The following SH3PXD2A variants were observed in gnomAD, a reference collection of about 807,000 sequenced individuals.
SH3PXD2A encodes SH3 and PX domain-containing protein 2A.
In SH3PXD2A, 32 loss-of-function variants were observed where a neutral mutation model predicts 115.2. The observed-to-expected ratio is 0.28, with a 90% CI of 0.21 to 0.37. The LOEUF (loss-of-function observed/expected upper bound fraction) is 0.37, where lower values mean the gene tolerates loss of function less well. Ranked by LOEUF, SH3PXD2A falls within the 10% of genes least tolerant of loss-of-function variation. The pLI, the probability that SH3PXD2A is intolerant of heterozygous loss-of-function variation, is 1.00. For missense variants in SH3PXD2A, 1,328 were observed against 1,498.7 expected (o/e 0.89, Z 1.88); for synonymous variants, 610 against 629.1 (o/e 0.97, Z 0.45).
intron 9 of SH3PXD2A, 116 bp from the exon 10 acceptor site, chr10:103,622,669 A>G: frequency 1.5e-6 from 1 of 676,166 alleles, no homozygotes; most frequent in Non-Finnish European, 2.6e-6. Context: ...GGAGGCCCAC[A>G]CTTCCAGTCA....
chr10:103,598,286 CTTTCCAGCTCT>C lies in SH3PXD2A; in HGVS notation c.*3519_*3529del, dbSNP rs1461632490. On this transcript the variant is annotated 3_prime_UTR_variant, in exon 15 of 15. Coordinates refer to ENST00000369774, the MANE Select transcript of SH3PXD2A (RefSeq NM_001394015.1). Reference sequence around the variant, plus strand: ...GCACACCTGCTGCTCAGGGTTGCCCCTTTCCAGCTCTCTCTCACTGCCCCCAAAGTCCCATG... The same window carrying C: ...GCACACCTGCTGCTCAGGGTTGCCCCCTCTCACTGCCCCCAAAGTCCCATG... The C allele has an allele frequency of 6.6e-6, 1 of 152,586 alleles. No homozygotes were observed. The highest frequency in any genetic ancestry group is 1.5e-5 in the Non-Finnish European group (1 of 68,066). The allele number at this position is 152,586 out of a possible 1,614,324, so 9.5% of individuals were successfully genotyped here. A position where few individuals can be genotyped will look rare whatever the true frequency, so the allele number is the denominator to read the frequency against.
At chr10:103,833,077 C>G (rs1381444748) in intron 1 of SH3PXD2A, among the ~76,000 whole-genome samples, 1 of 152,174 alleles carries the variant, frequency 6.6e-6, no homozygotes, top group East Asian at 1.9e-4. Flanking sequence ...TACTTTCTAA[C>G]AGAGAATCAC....
rs1294684390 is a variant in SH3PXD2A at position 103,666,932 on chromosome 10, C to T, written c.472+1676G>A. Among the ~76,000 whole-genome samples, 2 of 152,120 alleles carry T rather than the reference C, an allele frequency of 1.3e-5. No individual in the cohort carries two copies. Among genetic ancestry groups the T allele is most frequent in the Non-Finnish European group, 2.9e-5 (2 of 68,006 alleles). The stretch of plus-strand genomic sequence containing the variant: ...GCTGTGTCCCTGCAACATGCCCCTC[C>T]CAGACCCTACCTTCAGCAGGTAACG... On this transcript the variant is annotated intron_variant, in intron 7 of 14. Transcript: ENST00000369774. This position sits in a 1 kb window ranked among gnomAD's most constrained non-coding sequence, Gnocchi z 4.5.
chr10:103,743,580 A>G (rs1390574997), intron 3 of SH3PXD2A, among the ~76,000 whole-genome samples: 22 of 152,232 alleles, frequency 1.4e-4, no homozygotes, highest in Non-Finnish European at 3.2e-4. Flanking sequence ...TATGTTGCCT[A>G]GGCTGGTCCC....
chr10:103,648,395 A>G (rs1032261469), intron 8 of SH3PXD2A, among the ~76,000 whole-genome samples: 3 of 152,180 alleles, frequency 2.0e-5, no homozygotes, highest in Non-Finnish European at 2.9e-5. Flanking sequence ...ATTCTTCCCC[A>G]TCAAAGCCAA....
intron 4 of SH3PXD2A, among the ~76,000 whole-genome samples, chr10:103,727,565 A>G (rs1432525895): frequency 6.6e-6 from 1 of 152,162 alleles, no homozygotes; most frequent in Non-Finnish European, 1.5e-5. Context: ...GGCGGGTTTC[A>G]GCGGCCCACA....
chr10:103,710,324 G>A (rs1174367545), intron 5 of SH3PXD2A, among the ~76,000 whole-genome samples: 2 of 152,120 alleles, frequency 1.3e-5, no homozygotes, highest in Non-Finnish European at 2.9e-5. Context: ...GCAGTGAGTC[G>A]AGATCGCACC....
At chr10:103,720,686 AT>A (rs1205813922) in intron 5 of SH3PXD2A, among the ~76,000 whole-genome samples, 2 of 152,212 alleles carry the variant, frequency 1.3e-5, no homozygotes, top group Non-Finnish European at 2.9e-5. Flanking sequence ...TCCCGTGTTT[AT>A]GTTCTAGGCT....
chr10:103,752,266 G>A (rs1020288290), intron 3 of SH3PXD2A, among the ~76,000 whole-genome samples: 2 of 152,208 alleles, frequency 1.3e-5, no homozygotes, highest in African/African-American at 4.8e-5. Context: ...GGGATTTGAG[G>A]CAGGCCTAGA....
chr10:103,807,567 C>T (rs924639231), intron 1 of SH3PXD2A, among the ~76,000 whole-genome samples: 3 of 152,202 alleles, frequency 2.0e-5, no homozygotes, highest in African/African-American at 4.8e-5. Flanking sequence ...CCAGTGGTTG[C>T]CTGGTCAAGT....
intron 8 of SH3PXD2A, among the ~76,000 whole-genome samples, chr10:103,634,428 C>T (rs1427113835): frequency 6.6e-6 from 1 of 152,184 alleles, no homozygotes; most frequent in Non-Finnish European, 1.5e-5. Flanking sequence ...ATTCACACTT[C>T]GAGGATCTTG....
chr10:103,617,362 G>T, intron 10 of SH3PXD2A, 48 bp from the exon 11 acceptor site: 2 of 1,355,506 alleles, frequency 1.5e-6, no homozygotes, highest in Non-Finnish European at 1.1e-6. Context: ...CGGGGTGCAG[G>T]TCCTGCTTCC....
rs368104957 is a variant in SH3PXD2A at position 103,721,582 on chromosome 10, C to A, written c.398+2688G>T. Among the ~76,000 whole-genome samples the A allele has an allele frequency of 4.6e-5, 7 of 152,348 alleles. No homozygotes were observed. The East Asian group carries it at 5.8e-4, about 13-fold the overall frequency. The stretch of plus-strand genomic sequence containing the variant: ...TGTGGCGATACACCTGCTGCCTCCA[C>A]CATCAACGATCCTGATCCTTTTCCC... On this transcript the variant is annotated intron_variant, in intron 5 of 14. Coordinates refer to ENST00000369774, the MANE Select transcript of SH3PXD2A (RefSeq NM_001394015.1).
chr10:103,816,393 A>C (rs2039324130), intron 1 of SH3PXD2A, among the ~76,000 whole-genome samples: 2 of 152,256 alleles, frequency 1.3e-5, no homozygotes, highest in Admixed American at 6.5e-5. Context: ...ATGGCCAATA[A>C]GCACATGAAA....
At chr10:103,701,750 G>GTCCAACATCCATCCA (rs1554913075) in intron 5 of SH3PXD2A, among the ~76,000 whole-genome samples, 4 of 6,968 alleles carry the variant, frequency 5.7e-4, no homozygotes, top group Non-Finnish European at 1.0e-3. Context: ...CCATCCATCC[G>GTCCAACATCCATCCA]TCCATCATCC....
At chr10:103,735,181 C>T (rs2038366096) in intron 4 of SH3PXD2A, among the ~76,000 whole-genome samples, 1 of 152,246 alleles carries the variant, frequency 6.6e-6, no homozygotes, top group Non-Finnish European at 1.5e-5. Context: ...CATGACACTG[C>T]TGTCCTTCTC....
chr10:103,687,439 C>T (rs1000125728), intron 6 of SH3PXD2A, among the ~76,000 whole-genome samples: 7 of 152,160 alleles, frequency 4.6e-5, no homozygotes, highest in Admixed American at 2.0e-4. Context: ...GGCAAGTTGT[C>T]GGCCTAAGAG....
At chr10:103,794,411 G>A (rs957440311) in intron 2 of SH3PXD2A, among the ~76,000 whole-genome samples, 7 of 152,164 alleles carry the variant, frequency 4.6e-5, no homozygotes, top group Non-Finnish European at 7.3e-5. Flanking sequence ...TGGTGGAGTC[G>A]GTGTTTGCAG....
chr10:103,823,974 C>T (rs964918610), intron 1 of SH3PXD2A, among the ~76,000 whole-genome samples: 4 of 152,236 alleles, frequency 2.6e-5, no homozygotes, highest in Non-Finnish European at 2.9e-5. Flanking sequence ...ATGCCTCACT[C>T]GAGAGTGTCC....
Sources: gnomAD v4.1 joint callset for allele counts (sites outside exome capture counted in the v4.1 genomes callset) on GRCh38, gnomAD v4.1.1 for gene constraint, Gnocchi (gnomAD v3.1) non-coding constraint, MANE v1.5 for transcripts, NCBI Gene and HGNC (gene_info 2026-07-23, HGNC 2026-07-21) for gene names.